CNBD1: variants seen among roughly 807,000 people sequenced by gnomAD.
CNBD1 encodes the protein cyclic nucleotide binding domain containing 1.
CNBD1 carries 71 observed loss-of-function variants against 54.4 expected under a neutral mutation model. The ratio of observed to expected loss-of-function variants is 1.30; its 90% CI spans 1.08 to 1.59. The LOEUF (loss-of-function observed/expected upper bound fraction) is 1.59. Ranked by LOEUF, CNBD1 falls within the 40% of genes most tolerant of loss-of-function variation. The pLI is 0.00. For synonymous variants in CNBD1, 182 were observed against 170.7 expected, an observed-to-expected ratio of 1.07 and a Z score of -0.51; for missense variants, 659 against 518.0, an observed-to-expected ratio of 1.27 and a Z score of -2.64.
chr8:87,309,434 C>G (rs1224254915), intron 8 of CNBD1, among the ~76,000 whole-genome samples: 1 of 152,094 alleles, frequency 6.6e-6, no homozygotes, highest in Non-Finnish European at 1.5e-5. Context: ...AGATTTTCCT[C>G]CAAATTTCTC....
intron 4 of CNBD1, among the ~76,000 whole-genome samples, chr8:87,052,519 T>G (rs1008215023): frequency 1.3e-5 from 2 of 152,212 alleles, no homozygotes; most frequent in African/African-American, 4.8e-5. Flanking sequence ...TTCCCACTCA[T>G]GTATAGGATC....
intron 8 of CNBD1, among the ~76,000 whole-genome samples, chr8:87,300,141 T>C (rs1416744254): frequency 6.6e-6 from 1 of 152,142 alleles, no homozygotes; most frequent in Non-Finnish European, 1.5e-5. Context: ...TTAAAAAATA[T>C]AAATATGATA....
At chr8:87,141,603 A>AT (rs200676551) in intron 4 of CNBD1, among the ~76,000 whole-genome samples, 49 of 151,374 alleles carry the variant, frequency 3.2e-4, no homozygotes, top group East Asian at 7.7e-4. Flanking sequence ...TCAGTGGTTG[A>AT]TTTTTTTTTG....
At chr8:87,174,066 C>G (rs983616487) in intron 4 of CNBD1, among the ~76,000 whole-genome samples, 22 of 152,096 alleles carry the variant, frequency 1.4e-4, no homozygotes, top group African/African-American at 5.3e-4. Context: ...TCAAGCAATT[C>G]TCCTGCCTCA....
intron 2 of CNBD1, among the ~76,000 whole-genome samples, chr8:86,902,873 G>C (rs1446155705): frequency 2.6e-5 from 4 of 151,830 alleles, no homozygotes; most frequent in Non-Finnish European, 5.9e-5. Flanking sequence ...TTTCCCCTCA[G>C]CTACTTCTAT....
At chr8:87,066,544 A>G (rs1810658543) in intron 4 of CNBD1, among the ~76,000 whole-genome samples, 1 of 151,946 alleles carries the variant, frequency 6.6e-6, no homozygotes, top group Non-Finnish European at 1.5e-5. Flanking sequence ...AAACTTTTCA[A>G]TTAAATAATG....
At chr8:86,984,761 C>A (rs992168286) in intron 4 of CNBD1, among the ~76,000 whole-genome samples, 11 of 152,162 alleles carry the variant, frequency 7.2e-5, no homozygotes, top group African/African-American at 2.7e-4. Context: ...AAGGCCCATA[C>A]CCCCATTGTA....
intron 8 of CNBD1, among the ~76,000 whole-genome samples, chr8:87,321,951 C>A (rs180682531): frequency 1.4e-5 from 2 of 146,052 alleles, no homozygotes; most frequent in Non-Finnish European, 3.0e-5. Flanking sequence ...TATGCCTCCC[C>A]GCTCCCCCCA....
chr8:87,208,652 C>G (rs1814029081), intron 5 of CNBD1, among the ~76,000 whole-genome samples: 1 of 151,936 alleles, frequency 6.6e-6, no homozygotes, highest in Non-Finnish European at 1.5e-5. Context: ...TATCCCAGAT[C>G]AAACTTTTAT....
chr8:87,067,244 T>G (rs1028776135), intron 4 of CNBD1, among the ~76,000 whole-genome samples: 2 of 152,002 alleles, frequency 1.3e-5, no homozygotes, highest in African/African-American at 2.4e-5. Context: ...CCATATTTTT[T>G]TCCAGCAAAT....
intron 4 of CNBD1, among the ~76,000 whole-genome samples, chr8:87,022,274 A>C (rs1480789894): frequency 6.6e-6 from 1 of 152,212 alleles, no homozygotes; most frequent in Non-Finnish European, 1.5e-5. Context: ...TGCTAGGACT[A>C]CTTGCATGGA....
rs375975043 is a variant in CNBD1 at position 86,908,564 on chromosome 8, T to C, written c.272+3370T>C. ...TTTTAAATTGTGCTAGTTTTCATTA[T>C]TATCATGCACTATAAATGGCAATGA... On this transcript the variant is annotated intron_variant, in intron 3 of 10. Transcript: ENST00000518476. Among the ~76,000 whole-genome samples the C allele has an allele frequency of 8.5e-5, 13 of 152,298 alleles. No individual in the cohort carries two copies. The South Asian group carries it at 1.7e-3, about 19-fold the overall frequency.
At chr8:87,226,008 A>T (rs1313765075) in intron 5 of CNBD1, among the ~76,000 whole-genome samples, 1 of 150,916 alleles carries the variant, frequency 6.6e-6, no homozygotes, top group Non-Finnish European at 1.5e-5. Flanking sequence ...TTTCTTCTAG[A>T]TTTTCTAGTT....
intron 2 of CNBD1, among the ~76,000 whole-genome samples, chr8:87,421,218 T>A (rs1282093513): frequency 6.6e-6 from 1 of 151,988 alleles, no homozygotes; most frequent in Non-Finnish European, 1.5e-5. Context: ...GTATCTCATT[T>A]TCCTTTTCTT....
At chr8:87,169,023 T>C (rs897086695) in intron 4 of CNBD1, among the ~76,000 whole-genome samples, 1 of 152,176 alleles carries the variant, frequency 6.6e-6, no homozygotes, top group African/African-American at 2.4e-5. Context: ...TCCATAGTGG[T>C]TGTACTACTT....
chr8:86,893,630 C>G (rs1409628741), intron 2 of CNBD1, among the ~76,000 whole-genome samples: 2 of 152,138 alleles, frequency 1.3e-5, no homozygotes, highest in South Asian at 4.1e-4. Context: ...ATCCATATCA[C>G]TACAGTTAGC....
At position 87,126,669 on chromosome 8, in the gene CNBD1, T is replaced by C. The variant is rs11988500; in HGVS notation, c.432-79324T>C. Among the ~76,000 whole-genome samples the C allele has an allele frequency of 8.9e-3, 1,350 of 152,122 alleles. 22 individuals carry two copies. The highest frequency in any genetic ancestry group is 0.028 in the African/African-American group (1,148 of 41,540). On this transcript the variant is annotated intron_variant, in intron 4 of 10. Coordinates refer to ENST00000518476, the MANE Select transcript of CNBD1 (RefSeq NM_173538.3). ...AATTTTGATGAAGTTTAACAGTTTT[T>C]TTTATGGATTGCACATTTGCATTTT...
chr8:86,985,345 G>T (rs912309275), intron 4 of CNBD1, among the ~76,000 whole-genome samples: 1 of 152,120 alleles, frequency 6.6e-6, no homozygotes, highest in Non-Finnish European at 1.5e-5. Flanking sequence ...TACCCAGGTA[G>T]TGAGCATATT....
At chr8:87,416,074 CA>C (rs1294237540) in intron 2 of CNBD1, among the ~76,000 whole-genome samples, 1 of 151,590 alleles carries the variant, frequency 6.6e-6, no homozygotes, top group Non-Finnish European at 1.5e-5. Context: ...AACACTTTCT[CA>C]ATACAACAAT....
Sources: allele counts gnomAD v4.1 joint callset (sites outside exome capture counted in the v4.1 genomes callset), GRCh38; gene constraint gnomAD v4.1.1; transcripts MANE v1.5; gene names NCBI Gene and HGNC (gene_info 2026-07-23, HGNC 2026-07-21).